Variants in SLC25A21 observed in about 807,000 individuals in gnomAD.
SLC25A21 encodes mitochondrial 2-oxodicarboxylate carrier.
A neutral mutation model predicts 43.8 loss-of-function variants in SLC25A21; 47 were observed. That is an observed-to-expected ratio of 1.07 (90% CI 0.85 to 1.37). SLC25A21 has a LOEUF of 1.37. Ranked by LOEUF, SLC25A21 falls within the 40% of genes most tolerant of loss-of-function variation. The pLI, the probability that SLC25A21 is intolerant of heterozygous loss-of-function variation, is 0.00. For synonymous variants in SLC25A21, 131 were observed against 121.3 expected (o/e 1.08, Z -0.52); for missense variants, 352 against 350.2 (o/e 1.00, Z -0.04).
At chr14:36,822,926 A>G (rs946278900) in intron 2 of SLC25A21, among the ~76,000 whole-genome samples, 4 of 152,222 alleles carry the variant, frequency 2.6e-5, no homozygotes, top group African/African-American at 4.8e-5. Context: ...TTTCACTACA[A>G]TAAACATTTA....
chr14:37,165,824 T>C (rs554838313), intron 1 of SLC25A21, among the ~76,000 whole-genome samples: 6 of 152,192 alleles, frequency 3.9e-5, no homozygotes, highest in African/African-American at 9.6e-5. Flanking sequence ...CCGTGGTCTT[T>C]GGGAACACAG....
At chr14:36,984,653 G>C (rs982879055) in intron 1 of SLC25A21, among the ~76,000 whole-genome samples, 1 of 151,620 alleles carries the variant, frequency 6.6e-6, no homozygotes, top group Non-Finnish European at 1.5e-5. Flanking sequence ...TTTTTTACCT[G>C]GTGATTTTTA....
intron 1 of SLC25A21, among the ~76,000 whole-genome samples, chr14:36,898,780 A>G (rs1039263738): frequency 2.0e-5 from 3 of 152,224 alleles, no homozygotes; most frequent in Non-Finnish European, 2.9e-5. Flanking sequence ...GGGGTGGTGC[A>G]GTGGCCAGGG....
chr14:37,021,870 A>T (rs1960993589), intron 1 of SLC25A21, among the ~76,000 whole-genome samples: 1 of 151,998 alleles, frequency 6.6e-6, no homozygotes, highest in Non-Finnish European at 1.5e-5. Context: ...CCATAGGAGA[A>T]CATTTGCAGG....
At chr14:36,979,395 G>A (rs564698019) in intron 1 of SLC25A21, among the ~76,000 whole-genome samples, 29 of 148,872 alleles carry the variant, frequency 1.9e-4, no homozygotes, top group South Asian at 8.4e-4. Context: ...TTGCTCTGTC[G>A]CCCAGGCTGG....
intron 3 of SLC25A21, among the ~76,000 whole-genome samples, chr14:36,767,097 T>G (rs1886444369): frequency 6.6e-6 from 1 of 152,224 alleles, no homozygotes. Flanking sequence ...TACTACAAGC[T>G]TTCTAATTTT....
intron 7 of SLC25A21, among the ~76,000 whole-genome samples, chr14:36,709,946 AG>A (rs1181951743): frequency 2.6e-5 from 4 of 152,202 alleles, no homozygotes; most frequent in Non-Finnish European, 4.4e-5. Flanking sequence ...ACTGCAAGCA[AG>A]CAATTTGATG....
At chr14:37,002,747 C>T (rs1216806269) in intron 1 of SLC25A21, among the ~76,000 whole-genome samples, 2 of 152,154 alleles carry the variant, frequency 1.3e-5, no homozygotes, top group African/African-American at 2.4e-5. Context: ...AATTATCTTC[C>T]TGTGATCTAC....
At chr14:36,912,536 T>C (rs189784473) in intron 1 of SLC25A21, among the ~76,000 whole-genome samples, 109 of 152,350 alleles carry the variant, frequency 7.2e-4, no homozygotes, top group African/African-American at 2.5e-3. Context: ...ATTGAAGAGC[T>C]AGTCTCATTG....
At chr14:36,861,284 G>T (rs942482673) in intron 2 of SLC25A21, among the ~76,000 whole-genome samples, 1 of 152,104 alleles carries the variant, frequency 6.6e-6, no homozygotes, top group African/African-American at 2.4e-5. Flanking sequence ...TTTTACTCTT[G>T]ATTCACAGAA....
chr14:36,706,528 G>T (rs1358703981), intron 7 of SLC25A21, among the ~76,000 whole-genome samples: 1 of 151,954 alleles, frequency 6.6e-6, no homozygotes, highest in Non-Finnish European at 1.5e-5. Context: ...ACTTAACGTC[G>T]GCACTTTGCA....
chr14:36,835,996 G>C (rs1017460324), intron 2 of SLC25A21, among the ~76,000 whole-genome samples: 2 of 152,164 alleles, frequency 1.3e-5, no homozygotes, highest in African/African-American at 4.8e-5. Context: ...ATCTTTCGCT[G>C]AGTGAACAGT....
intron 7 of SLC25A21, among the ~76,000 whole-genome samples, chr14:36,700,484 G>A (rs1883230920): frequency 1.3e-5 from 2 of 152,308 alleles, no homozygotes; most frequent in East Asian, 1.9e-4. Context: ...TGAATGGGCA[G>A]CTGTGGGTAT....
intron 1 of SLC25A21, among the ~76,000 whole-genome samples, chr14:37,166,901 T>C (rs1444191149): frequency 6.6e-6 from 1 of 152,232 alleles, no homozygotes; most frequent in Non-Finnish European, 1.5e-5. Flanking sequence ...CTAATCCTGC[T>C]ATATATTCTA....
intron 1 of SLC25A21, among the ~76,000 whole-genome samples, chr14:36,943,458 G>T (rs1892613643): frequency 6.6e-6 from 1 of 152,198 alleles, no homozygotes; most frequent in African/African-American, 2.4e-5. Flanking sequence ...TCCCAAAAGT[G>T]CTGGGATTAC....
At chr14:37,040,822 A>G (rs8016428) in intron 1 of SLC25A21, among the ~76,000 whole-genome samples, 70,982 of 151,332 alleles carry the variant, frequency 0.47, 19,042 homozygotes, top group African/African-American at 0.75. Context: ...AAATGTGTGG[A>G]TGAGAAACAG....
intron 2 of SLC25A21, among the ~76,000 whole-genome samples, chr14:36,872,103 T>C (rs896220284): frequency 1.3e-5 from 2 of 152,270 alleles, no homozygotes; most frequent in African/African-American, 4.8e-5. Flanking sequence ...AAAGATTAGA[T>C]TGGAGGATTA....
intron 1 of SLC25A21, among the ~76,000 whole-genome samples, chr14:37,147,549 A>T (rs1481239119): frequency 6.6e-6 from 1 of 152,010 alleles, no homozygotes; most frequent in Non-Finnish European, 1.5e-5. Context: ...CCTCAGAAGG[A>T]CAGAGGACCC....
At chr14:36,830,584 G>A (rs1281855762) in intron 2 of SLC25A21, among the ~76,000 whole-genome samples, 1 of 151,802 alleles carries the variant, frequency 6.6e-6, no homozygotes, top group Non-Finnish European at 1.5e-5. Context: ...CCTCTCTCTG[G>A]AAAAAGACAA....
Sources: allele counts gnomAD v4.1 joint callset (sites outside exome capture counted in the v4.1 genomes callset), GRCh38; gene constraint gnomAD v4.1.1; transcripts MANE v1.5; gene names NCBI Gene and HGNC (gene_info 2026-07-23, HGNC 2026-07-21).